SLC36A1: variants seen among roughly 807,000 people sequenced by gnomAD.
SLC36A1 encodes the protein proton-coupled amino acid transporter 1.
Under a neutral mutation model 47.5 loss-of-function variants are expected in SLC36A1, and 30 were observed. The observed-to-expected ratio is 0.63, with a 90% CI of 0.47 to 0.86. The LOEUF (loss-of-function observed/expected upper bound fraction) is 0.86. SLC36A1 is among the 40% of genes least tolerant of loss of function. The pLI, the probability that SLC36A1 is intolerant of heterozygous loss-of-function variation, is 0.00. For synonymous variants in SLC36A1, 255 were observed against 249.7 expected (o/e 1.02, Z -0.20); for missense variants, 517 against 606.0 (o/e 0.85, Z 1.54).
the SLC36A1 span, chr5:151,528,050 G>C: frequency 6.2e-7 from 1 of 1,614,212 alleles, no homozygotes; most frequent in Non-Finnish European, 8.5e-7. Flanking sequence ...TGGGGTGAAT[G>C]GTGAAGTGCC....
chr5:151,546,017 A>G, the SLC36A1 span: 1 of 1,614,212 alleles, frequency 6.2e-7, no homozygotes, highest in Non-Finnish European at 8.5e-7. Context: ...GAGTTCATAG[A>G]GAAGACTCCA....
chr5:151,423,277 A>G, the SLC36A1 span, among the ~76,000 whole-genome samples: 3 of 152,356 alleles, frequency 2.0e-5, 1 homozygote, highest in South Asian at 6.2e-4. Context: ...TAGCAATTGC[A>G]TTCCTTGGTA....
chr5:151,405,631 T>C, the SLC36A1 span, among the ~76,000 whole-genome samples: 1 of 151,452 alleles, frequency 6.6e-6, no homozygotes, highest in Non-Finnish European at 1.5e-5. Context: ...AGAAAACCTT[T>C]AGAGATAAGA....
At chr5:151,506,247 G>T in the SLC36A1 span, 1 of 781,958 alleles carries the variant, frequency 1.3e-6, no homozygotes, top group Non-Finnish European at 1.8e-6. Context: ...GTTGGCTTAC[G>T]TTGATAACAT....
intron 5 of SLC36A1, 123 bp downstream of exon 5, chr5:151,465,292 G>A: frequency 2.6e-6 from 2 of 780,898 alleles, no homozygotes; most frequent in South Asian, 2.9e-5. Context: ...GTTGCCTTGG[G>A]CTGTGGCTCA....
the SLC36A1 span, among the ~76,000 whole-genome samples, chr5:151,523,647 G>A: frequency 4.6e-5 from 7 of 152,202 alleles, no homozygotes; most frequent in African/African-American, 1.7e-4. Flanking sequence ...GCCTGGGTCT[G>A]AGAATACAGA....
At chr5:151,353,557 T>A in the SLC36A1 span, among the ~76,000 whole-genome samples, 48 of 152,232 alleles carry the variant, frequency 3.2e-4, no homozygotes, top group Admixed American at 3.1e-3. Context: ...TCAGTGAACC[T>A]ACACTGACAC....
At chr5:151,507,370 T>C in the SLC36A1 span, 1 of 1,614,204 alleles carries the variant, frequency 6.2e-7, no homozygotes, top group Non-Finnish European at 8.5e-7. Flanking sequence ...TTGAGCTCGA[T>C]GGCAGGCATG....
intron 8 of SLC36A1, among the ~76,000 whole-genome samples, chr5:151,474,371 G>T (rs1257737325): frequency 2.0e-5 from 3 of 152,002 alleles, no homozygotes; most frequent in Non-Finnish European, 4.4e-5. Flanking sequence ...GGAAGGCAGG[G>T]TCTAGAGTCA....
At chr5:151,430,936 A>G in the SLC36A1 span, among the ~76,000 whole-genome samples, 5 of 152,258 alleles carry the variant, frequency 3.3e-5, no homozygotes, top group South Asian at 8.3e-4. Context: ...ACTCCCTGGA[A>G]TTTCACTTCT....
chr5:151,386,675 A>C, the SLC36A1 span, among the ~76,000 whole-genome samples: 1 of 152,152 alleles, frequency 6.6e-6, no homozygotes, highest in Non-Finnish European at 1.5e-5. Context: ...CACTCTCTCC[A>C]TAGAATTTGC....
the SLC36A1 span, among the ~76,000 whole-genome samples, chr5:151,348,526 A>G: frequency 6.6e-6 from 1 of 152,210 alleles, no homozygotes; most frequent in South Asian, 2.1e-4. Context: ...GTCACTGCTA[A>G]CTGGTAGCAT....
the SLC36A1 span, among the ~76,000 whole-genome samples, chr5:151,517,294 C>G: frequency 6.6e-6 from 1 of 152,190 alleles, no homozygotes; most frequent in African/African-American, 2.4e-5. Flanking sequence ...GCAATCCCCC[C>G]ATCCCTGGGA....
chr5:151,499,709 G>A, the SLC36A1 span, among the ~76,000 whole-genome samples: 1 of 151,954 alleles, frequency 6.6e-6, no homozygotes, highest in Non-Finnish European at 1.5e-5. Context: ...TCCTGTAAAG[G>A]CTTGAAAACC....
intron 7 of SLC36A1, among the ~76,000 whole-genome samples, chr5:151,468,261 A>AT (rs1561759433): frequency 1.7e-4 from 14 of 80,840 alleles, no homozygotes; most frequent in African/African-American, 1.0e-3. Flanking sequence ...CAAAAAAAAA[A>AT]AAAAAATATA....
chr5:151,404,507 G>A, the SLC36A1 span, among the ~76,000 whole-genome samples: 1 of 152,188 alleles, frequency 6.6e-6, no homozygotes, highest in Admixed American at 6.5e-5. Flanking sequence ...TATAGGGTCT[G>A]TGGGCGATGT....
At chr5:151,393,266 T>G in the SLC36A1 span, among the ~76,000 whole-genome samples, 1 of 152,174 alleles carries the variant, frequency 6.6e-6, no homozygotes, top group Non-Finnish European at 1.5e-5. Context: ...TAGTTCTTCC[T>G]CCATCCCTTT....
the SLC36A1 span, chr5:151,549,333 C>G: frequency 6.2e-7 from 1 of 1,613,668 alleles, no homozygotes; most frequent in Non-Finnish European, 8.5e-7. Context: ...ATTGACTCCC[C>G]GGTCAGCATC....
chr5:151,507,087 C>A, the SLC36A1 span: 3 of 1,382,480 alleles, frequency 2.2e-6, no homozygotes, highest in Non-Finnish European at 3.0e-6. Flanking sequence ...CCTCAGATAA[C>A]GGAGTGTTTA....
Sources: allele counts gnomAD v4.1 joint callset (sites outside exome capture counted in the v4.1 genomes callset), GRCh38; gene constraint gnomAD v4.1.1; transcripts MANE v1.5; gene names NCBI Gene and HGNC (gene_info 2026-07-23, HGNC 2026-07-21).